The following TENM3 variants were observed in gnomAD, a reference collection of about 807,000 sequenced individuals.
TENM3 encodes teneurin-3.
In TENM3, 63 loss-of-function variants were observed where a neutral mutation model predicts 255.1. The ratio of observed to expected loss-of-function variants is 0.25; its 90% CI spans 0.20 to 0.30. The LOEUF is 0.30. TENM3 is among the 10% of genes least tolerant of loss of function. The pLI is 1.00. For missense variants in TENM3, 2,929 were observed against 3,461.1 expected, an observed-to-expected ratio of 0.85 and a Z score of 3.86; for synonymous variants, 1,306 against 1,322.3, an observed-to-expected ratio of 0.99 and a Z score of 0.27.
the TENM3 span, among the ~76,000 whole-genome samples, chr4:182,016,065 G>C: frequency 6.6e-6 from 1 of 152,096 alleles, no homozygotes; most frequent in African/African-American, 2.4e-5. Flanking sequence ...ATGCCTGAGC[G>C]GTTAAAGATT....
At chr4:181,702,107 G>C in the TENM3 span, among the ~76,000 whole-genome samples, 3 of 152,160 alleles carry the variant, frequency 2.0e-5, no homozygotes, top group Non-Finnish European at 4.4e-5. Context: ...CTATGGTCTT[G>C]TTAACTCAAC....
At chr4:182,514,218 A>G (rs1056399257) in intron 3 of TENM3, among the ~76,000 whole-genome samples, 1 of 152,192 alleles carries the variant, frequency 6.6e-6, no homozygotes, top group African/African-American at 2.4e-5. Flanking sequence ...GCCTAAATGA[A>G]AGCAGTGAAA....
chr4:182,339,741 T>C (rs1516530), intron 2 of TENM3, among the ~76,000 whole-genome samples: 24,572 of 152,156 alleles, frequency 0.16, 2,524 homozygotes, highest in Non-Finnish European at 0.23. Flanking sequence ...CACCTGCCGC[T>C]TTATGCCAAA....
At chr4:182,219,802 T>C (rs750257892) in intron 1 of TENM3, among the ~76,000 whole-genome samples, 7 of 152,230 alleles carry the variant, frequency 4.6e-5, no homozygotes, top group Non-Finnish European at 8.8e-5. Flanking sequence ...TGGACACTTA[T>C]CAAGTTTGAC....
the TENM3 span, among the ~76,000 whole-genome samples, chr4:181,757,075 A>T: frequency 6.6e-6 from 1 of 152,198 alleles, no homozygotes; most frequent in Non-Finnish European, 1.5e-5. Flanking sequence ...ACCCGCCATC[A>T]CAAATAGGGT....
At chr4:182,765,590 C>T (rs1396926449) in intron 22 of TENM3, among the ~76,000 whole-genome samples, 1 of 152,092 alleles carries the variant, frequency 6.6e-6, no homozygotes, top group African/African-American at 2.4e-5. Context: ...TCTCCATATT[C>T]TCTCATCTTA....
At chr4:182,670,214 A>G (rs1294472883) in intron 6 of TENM3, among the ~76,000 whole-genome samples, 1 of 152,196 alleles carries the variant, frequency 6.6e-6, no homozygotes, top group East Asian at 1.9e-4. Flanking sequence ...TTTGAATCCT[A>G]TGAATGATCT....
intron 1 of TENM3, among the ~76,000 whole-genome samples, chr4:182,216,082 G>C (rs1402177557): frequency 6.6e-6 from 1 of 152,130 alleles, no homozygotes; most frequent in Non-Finnish European, 1.5e-5. Context: ...TTCTCCAAAG[G>C]CCAGTGAATA....
At chr4:182,118,768 A>G in the TENM3 span, among the ~76,000 whole-genome samples, 2 of 152,138 alleles carry the variant, frequency 1.3e-5, no homozygotes, top group African/African-American at 4.8e-5. Flanking sequence ...ACATTAATTG[A>G]TTGTCGAACC....
At chr4:182,011,110 T>C in the TENM3 span, among the ~76,000 whole-genome samples, 5 of 152,256 alleles carry the variant, frequency 3.3e-5, no homozygotes, top group Non-Finnish European at 7.3e-5. Flanking sequence ...TGGATGACTC[T>C]CAAATGCGTA....
chr4:181,543,971 G>A, the TENM3 span, among the ~76,000 whole-genome samples: 9,804 of 152,034 alleles, frequency 0.064, 346 homozygotes, highest in South Asian at 0.15. Context: ...AAAGCCCATG[G>A]GTCCATTCGC....
intron 3 of TENM3, among the ~76,000 whole-genome samples, chr4:182,352,630 G>A (rs1765260153): frequency 2.6e-5 from 4 of 152,128 alleles, no homozygotes; most frequent in Admixed American, 2.6e-4. Context: ...TTAAAGTGCA[G>A]TCTTTTTAAA....
chr4:182,288,616 T>G (rs1267487535), intron 1 of TENM3, among the ~76,000 whole-genome samples: 1 of 152,202 alleles, frequency 6.6e-6, no homozygotes, highest in Admixed American at 6.5e-5. Context: ...AGGCATTGTG[T>G]CAAATGATTA....
the TENM3 span, among the ~76,000 whole-genome samples, chr4:181,606,414 CT>C: frequency 2.6e-4 from 39 of 152,288 alleles, no homozygotes; most frequent in African/African-American, 9.4e-4. Flanking sequence ...TGCAGGTGTT[CT>C]TCTCTTTGCT....
the TENM3 span, among the ~76,000 whole-genome samples, chr4:181,561,986 A>G: frequency 0.12 from 18,428 of 152,006 alleles, 1,183 homozygotes; most frequent in South Asian, 0.2. Flanking sequence ...AATTTTGTCT[A>G]ATTCATATCA....
At chr4:181,807,543 G>A in the TENM3 span, among the ~76,000 whole-genome samples, 1 of 152,114 alleles carries the variant, frequency 6.6e-6, no homozygotes, top group African/African-American at 2.4e-5. Context: ...AGTAGAGACA[G>A]GGTTTCTGCA....
the TENM3 span, among the ~76,000 whole-genome samples, chr4:181,622,224 G>A: frequency 4.6e-5 from 7 of 152,212 alleles, no homozygotes; most frequent in South Asian, 2.1e-4. Flanking sequence ...GTCATGCATC[G>A]CTATGTGTGC....
At chr4:181,650,826 G>A in the TENM3 span, among the ~76,000 whole-genome samples, 1 of 152,206 alleles carries the variant, frequency 6.6e-6, no homozygotes. Flanking sequence ...AAAACAAAAT[G>A]TTACAGAGTA....
the TENM3 span, among the ~76,000 whole-genome samples, chr4:181,535,706 C>T: frequency 6.6e-6 from 1 of 152,304 alleles, no homozygotes; most frequent in South Asian, 2.1e-4. Context: ...TCTTCAAGCA[C>T]ACCAGGCAAG....
Sources: allele counts gnomAD v4.1 joint callset (sites outside exome capture counted in the v4.1 genomes callset), GRCh38; gene constraint gnomAD v4.1.1; transcripts MANE v1.5; gene names NCBI Gene and HGNC (gene_info 2026-07-23, HGNC 2026-07-21).